Variants in PAX7 observed in about 807,000 individuals in gnomAD.
The protein encoded by PAX7 is paired box 7, also known as paired box protein Pax-7.
A neutral mutation model predicts 50.7 loss-of-function variants in PAX7; 18 were observed. That is an observed-to-expected ratio of 0.36 (90% CI 0.25 to 0.53). PAX7 has a LOEUF of 0.53. Ranked by LOEUF, PAX7 falls within the 20% of genes least tolerant of loss-of-function variation. The pLI, the probability that PAX7 is intolerant of heterozygous loss-of-function variation, is 0.93. For missense variants in PAX7, 644 were observed against 702.9 expected (o/e 0.92, Z 0.95); for synonymous variants, 310 against 290.4 (o/e 1.07, Z -0.69).
At chr1:18,711,930 G>C (rs1241115597) in intron 7 of PAX7, among the ~76,000 whole-genome samples, 1 of 152,118 alleles carries the variant, frequency 6.6e-6, no homozygotes, top group African/African-American at 2.4e-5. Flanking sequence ...CCAGCTCCCA[G>C]AGACTGCTCC....
At chr1:18,742,929 C>T (rs1000199360) in intron 8 of PAX7, among the ~76,000 whole-genome samples, 1 of 152,192 alleles carries the variant, frequency 6.6e-6, no homozygotes, top group Non-Finnish European at 1.5e-5. Context: ...TTATTTCCCC[C>T]ATTCTGCAGA....
chr1:18,713,284 GT>G (rs1236021541), intron 7 of PAX7, among the ~76,000 whole-genome samples: 1 of 152,150 alleles, frequency 6.6e-6, no homozygotes, highest in African/African-American at 2.4e-5. Flanking sequence ...ACACACCACT[GT>G]TGTCAGGGAC....
At chr1:18,693,744 C>T (rs2089110749) in intron 5 of PAX7, among the ~76,000 whole-genome samples, 1 of 151,432 alleles carries the variant, frequency 6.6e-6, no homozygotes, top group Admixed American at 6.6e-5. Flanking sequence ...CTCTGATCCT[C>T]CTGCAGCTGT....
rs1469954082 is a variant in PAX7, at chr1:18,726,153, T to A, written c.1156-9479T>A. ...GACATTGGAAGAGTGTGAGTGTGTG[T>A]GTGTGTGTGTGTGTGTGTGTGTGTG... On this transcript the variant is annotated intron_variant, in intron 7 of 8. Coordinates refer to ENST00000420770, the MANE Select transcript of PAX7 (RefSeq NM_001135254.2). This position sits in a 1 kb window ranked among gnomAD's most constrained non-coding sequence, Gnocchi z 4.8. Among the ~76,000 whole-genome samples the A allele has an allele frequency of 9.9e-6, 1 of 100,676 alleles. No individual in the cohort carries two copies. The highest frequency in any genetic ancestry group is 4.3e-5 in the African/African-American group (1 of 23,468). The allele number at this position is 100,676 out of a possible 152,430, so 66.0% of individuals were successfully genotyped here.
rs759044286 is a variant in PAX7 at position 18,651,303 on chromosome 1, G to T, written c.586+14932G>T. On this transcript the variant is annotated intron_variant, in intron 4 of 8. Transcript: ENST00000420770. Reference sequence around the variant, plus strand: ...GAATTTCCCAAGTCAAAAGCGCATTGTCTCATCGGTGGCTCTAAAATGTAT... The same window carrying T: ...GAATTTCCCAAGTCAAAAGCGCATTTTCTCATCGGTGGCTCTAAAATGTAT... Among the ~76,000 whole-genome samples the T allele has an allele frequency of 7.2e-5, 11 of 152,262 alleles. No individual in the cohort carries two copies. In the South Asian group the frequency reaches 8.3e-4, roughly 11 times the overall value.
chr1:18,698,677 G>C (rs2089178722), intron 5 of PAX7, among the ~76,000 whole-genome samples: 1 of 152,202 alleles, frequency 6.6e-6, no homozygotes, highest in Admixed American at 6.5e-5. Context: ...CAGCATCCCT[G>C]CCACTCCAGG....
chr1:18,731,065 C>T (rs957022745), intron 7 of PAX7, among the ~76,000 whole-genome samples: 1 of 152,120 alleles, frequency 6.6e-6, no homozygotes, highest in Non-Finnish European at 1.5e-5. Flanking sequence ...GTAACGGTAA[C>T]CTACCAAGAA....
chr1:18,677,742 C>T (rs984657573), intron 4 of PAX7, among the ~76,000 whole-genome samples: 4 of 152,064 alleles, frequency 2.6e-5, no homozygotes, highest in Admixed American at 2.0e-4. Context: ...GATGAGGGTC[C>T]GTGGCTTCTT....
intron 6 of PAX7, 81 bp from the exon 7 acceptor site, chr1:18,703,013 C>G: frequency 2.3e-6 from 3 of 1,301,488 alleles, no homozygotes; most frequent in Non-Finnish European, 2.2e-6. Flanking sequence ...GGAGGAGTCT[C>G]TTGGCTTGCC....
In PAX7 at chr1:18,688,552, G is replaced by A. The variant is rs192884400; in HGVS notation, c.587-3202G>A. ...GCGAATCTAGAACGTTTCCGTCATCGCAGAAACTTCTATTGGACAGCACTG... is the reference window on the plus strand; with the variant it reads ...GCGAATCTAGAACGTTTCCGTCATCACAGAAACTTCTATTGGACAGCACTG... On this transcript the variant is annotated intron_variant, in intron 4 of 8. Transcript: ENST00000420770. 5.9e-3 allele frequency among the ~76,000 whole-genome samples: 891 copies of A among 152,286 alleles called. 5 individuals carry two copies. The highest frequency in any genetic ancestry group is 9.0e-3 in the Non-Finnish European group (613 of 68,030).
intron 4 of PAX7, among the ~76,000 whole-genome samples, chr1:18,653,829 C>T (rs2088471931): frequency 6.6e-6 from 1 of 151,996 alleles, no homozygotes; most frequent in African/African-American, 2.4e-5. Flanking sequence ...CCTCTTTTCC[C>T]TGCTCCCCAG....
chr1:18,701,989 T>C (rs1347499055), intron 6 of PAX7, among the ~76,000 whole-genome samples: 3 of 152,038 alleles, frequency 2.0e-5, no homozygotes, highest in South Asian at 2.1e-4. Context: ...TCTCATTCTG[T>C]CACCCCAGAA....
intron 4 of PAX7, among the ~76,000 whole-genome samples, chr1:18,638,121 C>T (rs2088192130): frequency 6.6e-6 from 1 of 152,228 alleles, no homozygotes; most frequent in South Asian, 2.1e-4. Flanking sequence ...CTGAGGTTAT[C>T]CCAGGGAGAA....
At chr1:18,645,561 G>A (rs2100445098) in intron 4 of PAX7, among the ~76,000 whole-genome samples, 1 of 152,366 alleles carries the variant, frequency 6.6e-6, no homozygotes, top group South Asian at 2.1e-4. Flanking sequence ...GGTGGAGAGG[G>A]ACAGCTACGG....
At chr1:18,652,372 G>A (rs2088447311) in intron 4 of PAX7, among the ~76,000 whole-genome samples, 1 of 152,178 alleles carries the variant, frequency 6.6e-6, no homozygotes, top group Non-Finnish European at 1.5e-5. Flanking sequence ...ATAGCGCAAG[G>A]TCCCGGCTGC....
intron 4 of PAX7, among the ~76,000 whole-genome samples, chr1:18,684,902 C>T (rs1184334429): frequency 6.6e-6 from 1 of 152,122 alleles, no homozygotes; most frequent in Non-Finnish European, 1.5e-5. Context: ...CACTGCCGGC[C>T]TCCACTGATC....
At chr1:18,670,595 C>G (rs1003021097) in intron 4 of PAX7, among the ~76,000 whole-genome samples, 1 of 152,168 alleles carries the variant, frequency 6.6e-6, no homozygotes, top group African/African-American at 2.4e-5. Context: ...ATTCATGAAA[C>G]CTGTTGACTC....
chr1:18,694,004 T>C (rs1169399086), intron 5 of PAX7, among the ~76,000 whole-genome samples: 3 of 152,326 alleles, frequency 2.0e-5, no homozygotes, highest in African/African-American at 7.2e-5. Context: ...CTGCGTCTTA[T>C]TGACTTCCTA....
chr1:18,679,416 T>C (rs72939217), intron 4 of PAX7, among the ~76,000 whole-genome samples: 2,885 of 152,292 alleles, frequency 0.019, 107 homozygotes, highest in African/African-American at 0.064. Flanking sequence ...CACAGCCGCT[T>C]TGTGGGGCGC....
Sources: gnomAD v4.1 joint callset for allele counts (sites outside exome capture counted in the v4.1 genomes callset) on GRCh38, gnomAD v4.1.1 for gene constraint, Gnocchi (gnomAD v3.1) non-coding constraint, MANE v1.5 for transcripts, NCBI Gene and HGNC (gene_info 2026-07-23, HGNC 2026-07-21) for gene names.